The following PHLPP1 variants were observed in gnomAD, a reference collection of about 807,000 sequenced individuals.
PHLPP1 encodes PH domain and leucine rich repeat protein phosphatase 1.
Under a neutral mutation model 117.2 loss-of-function variants are expected in PHLPP1, and 42 were observed. The ratio of observed to expected loss-of-function variants is 0.36; its 90% CI spans 0.28 to 0.46. The LOEUF (loss-of-function observed/expected upper bound fraction) is 0.46. Ranked by LOEUF, PHLPP1 falls within the 20% of genes least tolerant of loss-of-function variation. The probability of loss-of-function intolerance (pLI) is 1.00; values close to 1 mark genes in which losing one functional copy is unlikely to be tolerated. For synonymous variants in PHLPP1, 1,042 were observed against 970.7 expected (o/e 1.07, Z -1.37); for missense variants, 2,084 against 2,241.9 (o/e 0.93, Z 1.42).
intron 1 of PHLPP1, among the ~76,000 whole-genome samples, chr18:62,751,078 G>T (rs1038120725): frequency 6.6e-6 from 1 of 152,088 alleles, no homozygotes; most frequent in Non-Finnish European, 1.5e-5. Flanking sequence ...TGATTTTTTC[G>T]GTACTGCAGC....
chr18:62,735,890 T>C (rs1329061449), intron 1 of PHLPP1, among the ~76,000 whole-genome samples: 1 of 152,074 alleles, frequency 6.6e-6, no homozygotes, highest in African/African-American at 2.4e-5. Context: ...ATGGCACATG[T>C]ATACATATGT....
intron 14 of PHLPP1, among the ~76,000 whole-genome samples, chr18:62,969,992 C>G (rs1415893937): frequency 1.3e-5 from 2 of 152,012 alleles, no homozygotes; most frequent in East Asian, 1.9e-4. Flanking sequence ...AACCTTCCAC[C>G]TTACTATTGT....
chr18:62,891,542 G>T (rs1011341266), intron 4 of PHLPP1, among the ~76,000 whole-genome samples: 3 of 151,488 alleles, frequency 2.0e-5, no homozygotes, highest in African/African-American at 4.9e-5. Flanking sequence ...CCGAGATCAC[G>T]CCACTGCACT....
intron 12 of PHLPP1, among the ~76,000 whole-genome samples, chr18:62,957,112 A>G (rs1417957761): frequency 6.6e-6 from 1 of 152,156 alleles, no homozygotes; most frequent in African/African-American, 2.4e-5. Flanking sequence ...TCAGCCAGAT[A>G]ATTGAATGCT....
intron 3 of PHLPP1, among the ~76,000 whole-genome samples, chr18:62,840,625 T>G (rs1361166886): frequency 6.6e-6 from 1 of 152,246 alleles, no homozygotes; most frequent in East Asian, 1.9e-4. Flanking sequence ...TTGTTCAGAA[T>G]AAAATGCCTA....
At chr18:62,883,820 A>G (rs1354822986) in intron 4 of PHLPP1, among the ~76,000 whole-genome samples, 1 of 152,250 alleles carries the variant, frequency 6.6e-6, no homozygotes, top group Non-Finnish European at 1.5e-5. Context: ...AAGTAGACAC[A>G]TTCATATTTC....
rs1910707737 is a variant in PHLPP1, at chr18:62,715,874, A to C, written c.191A>C (p.Asn64Thr). The C allele has an allele frequency of 7.4e-6, 6 of 812,980 alleles. No individual in the cohort carries two copies. The highest frequency in any genetic ancestry group is 1.2e-4 in the East Asian group (1 of 8,018). 50.4% of individuals were successfully genotyped at this position (812,980 alleles called of 1,614,324 possible). ...ACCCCGGCGGCCCCGAGCGGCGGGA[A>C]CGGCAGCGGCAGCGGGGCGCGGGAA... ...ALTPAAPSGG[N>T]GSGSGAREEA... Residue 64 changes from asparagine to threonine, a missense_variant, in exon 1 of 17, where the codon AAC (asparagine) becomes ACC (threonine). This residue lies in a region of PHLPP1 where 719 missense variants were observed against 636.0 expected (regional missense o/e 1.13). Coordinates refer to ENST00000262719, the MANE Select transcript of PHLPP1 (RefSeq NM_194449.4).
intron 1 of PHLPP1, among the ~76,000 whole-genome samples, chr18:62,823,204 C>A (rs1467587479): frequency 2.6e-5 from 4 of 152,092 alleles, no homozygotes; most frequent in African/African-American, 9.7e-5. Flanking sequence ...GAAACTTTTG[C>A]TTTCTGAAAA....
Position 62,838,798 on chromosome 18 carries a change from A to C in PHLPP1, c.1788A>C (p.Lys596Asn), listed in dbSNP as rs752460101. The change falls in exon 3 of 17, where the codon AAA becomes AAC. Residue 596 changes from lysine (K) to asparagine (N), a missense_variant. This residue lies in a region of PHLPP1 where 1,365 missense variants were observed against 1,605.9 expected (regional missense o/e 0.85). Coordinates refer to ENST00000262719, the MANE Select transcript of PHLPP1 (RefSeq NM_194449.4). ...PLIGGKVEEV[K>N]KHQHCLAFSS... is the part of the protein sequence containing the mutation. ...TGCTTTTATAGGTAGAAGAAGTGAAAAAGCACCAACACTGTTTAGCATTTA... is the reference window on the plus strand; with the variant it reads ...TGCTTTTATAGGTAGAAGAAGTGAACAAGCACCAACACTGTTTAGCATTTA... 1 of 1,613,666 alleles carries C rather than the reference A, an allele frequency of 6.2e-7. No homozygotes were observed.
intron 3 of PHLPP1, among the ~76,000 whole-genome samples, chr18:62,856,448 G>C (rs1443181285): frequency 6.6e-6 from 1 of 152,116 alleles, no homozygotes; most frequent in Non-Finnish European, 1.5e-5. Context: ...ACAAATTTGA[G>C]ACAGGGTCTG....
At chr18:62,868,808 G>A (rs1470830588) in intron 4 of PHLPP1, among the ~76,000 whole-genome samples, 1 of 152,060 alleles carries the variant, frequency 6.6e-6, no homozygotes. Flanking sequence ...TGAGCCATGT[G>A]GTATGAAAGG....
At chr18:62,727,656 C>T (rs935859925) in intron 1 of PHLPP1, among the ~76,000 whole-genome samples, 4 of 150,164 alleles carry the variant, frequency 2.7e-5, no homozygotes, top group Admixed American at 2.7e-4. Flanking sequence ...AGAGTTTATG[C>T]CATTTTTGCT....
At chr18:62,766,658 A>G (rs1424494993) in intron 1 of PHLPP1, among the ~76,000 whole-genome samples, 1 of 152,312 alleles carries the variant, frequency 6.6e-6, no homozygotes, top group East Asian at 1.9e-4. Flanking sequence ...TTTATTAGTA[A>G]TAAAGCTATT....
chr18:62,903,195 CTCTTTTGGTTCCAGGAATTTACCCAGCA>C (rs1256291927), intron 7 of PHLPP1, 29 bp downstream of exon 7: 1 of 1,471,004 alleles, frequency 6.8e-7, no homozygotes, highest in South Asian at 1.2e-5. Context: ...ATCAAAGTTG[CTCTTTTGGTTCCAGGAATTTACCCAGCA>C]TCATTATTTC....
chr18:62,905,404 T>C, intron 8 of PHLPP1, 120 bp downstream of exon 8: 1 of 443,684 alleles, frequency 2.3e-6, no homozygotes, highest in East Asian at 3.6e-5. Context: ...AAATTAATGA[T>C]TTTTACTTTA....
At chr18:62,749,233 GTT>G (rs375058081) in intron 1 of PHLPP1, among the ~76,000 whole-genome samples, 17 of 142,906 alleles carry the variant, frequency 1.2e-4, no homozygotes, top group African/African-American at 3.8e-4. Flanking sequence ...TATATATAAG[GTT>G]TTTTTTTTTT....
At position 62,715,551 on chromosome 18, in the gene PHLPP1, TG is replaced by T. The variant is rs896027589; in HGVS notation, c.-131del. On this transcript the variant is annotated 5_prime_UTR_variant, in exon 1 of 17. Coordinates refer to ENST00000262719, the MANE Select transcript of PHLPP1 (RefSeq NM_194449.4). ...TGCTCCGAATCGCCACATAATCCCC[TG>T]GAACGGCCGCGCACAACGCCATTGG... 1.3e-5 allele frequency: 6 copies of T among 472,606 alleles called. No homozygotes were observed. Among genetic ancestry groups the T allele is most frequent in the African/African-American group, 8.0e-5 (4 of 49,728 alleles). The allele number at this position is 472,606 out of a possible 1,614,324, so 29.3% of individuals were successfully genotyped here. A position where few individuals can be genotyped will look rare whatever the true frequency, so the allele number is the denominator to read the frequency against.
intron 6 of PHLPP1, among the ~76,000 whole-genome samples, chr18:62,901,628 C>T (rs1473027578): frequency 2.1e-5 from 3 of 142,814 alleles, no homozygotes; most frequent in Non-Finnish European, 4.5e-5. Flanking sequence ...CTCCTTTTTT[C>T]TTTTTTTTTT....
chr18:62,892,188 A>G (rs1916443824), intron 4 of PHLPP1, among the ~76,000 whole-genome samples: 1 of 148,630 alleles, frequency 6.7e-6, no homozygotes. Flanking sequence ...TCCCAGGTTC[A>G]AGCGATTCTC....
Sources: allele counts gnomAD v4.1 joint callset (sites outside exome capture counted in the v4.1 genomes callset), GRCh38; gene constraint gnomAD v4.1.1; regional missense constraint gnomAD v4.1.1; transcripts MANE v1.5; gene names NCBI Gene and HGNC (gene_info 2026-07-23, HGNC 2026-07-21).